Variants in IGF1R observed in about 807,000 individuals in gnomAD.
The protein encoded by IGF1R is insulin like growth factor 1 receptor.
IGF1R carries 44 observed loss-of-function variants against 144.6 expected under a neutral mutation model. That is an observed-to-expected ratio of 0.30 (90% CI 0.24 to 0.39). The LOEUF is 0.39. Among genes scored for constraint, IGF1R ranks in the 10% least tolerant of loss-of-function variants. IGF1R has a pLI of 1.00. For synonymous variants in IGF1R, 795 were observed against 722.8 expected (o/e 1.10, Z -1.60); for missense variants, 1,355 against 1,833.7 (o/e 0.74, Z 4.77).
At chr15:98,837,130 G>T (rs1021936074) in intron 2 of IGF1R, among the ~76,000 whole-genome samples, 1 of 151,932 alleles carries the variant, frequency 6.6e-6, no homozygotes, top group Non-Finnish European at 1.5e-5. Flanking sequence ...TTGCTCTGTT[G>T]CCCAGGCAGG....
intron 1 of IGF1R, among the ~76,000 whole-genome samples, chr15:98,668,675 A>G (rs907418113): frequency 6.6e-6 from 1 of 152,214 alleles, no homozygotes; most frequent in African/African-American, 2.4e-5. Context: ...GTTATACTCC[A>G]GGAGAGCTTA....
chr15:98,940,414 T>A (rs909828160), intron 18 of IGF1R, among the ~76,000 whole-genome samples: 1 of 152,326 alleles, frequency 6.6e-6, no homozygotes, highest in South Asian at 2.1e-4. Context: ...GAACGGTTTC[T>A]TTTTTTGAGA....
chr15:98,917,581 A>G (rs2015309068), intron 10 of IGF1R, among the ~76,000 whole-genome samples: 1 of 152,238 alleles, frequency 6.6e-6, no homozygotes, highest in Non-Finnish European at 1.5e-5. Context: ...CTGGAAACCC[A>G]GTGTACATCA....
chr15:98,788,671 C>T (rs1351379597), intron 2 of IGF1R, among the ~76,000 whole-genome samples: 9 of 152,184 alleles, frequency 5.9e-5, no homozygotes, highest in East Asian at 3.9e-4. Context: ...AGGATGCGCC[C>T]GCCCTGCTGA....
chr15:98,910,962 A>G (rs1200891894), intron 6 of IGF1R, among the ~76,000 whole-genome samples: 1 of 152,208 alleles, frequency 6.6e-6, no homozygotes, highest in Non-Finnish European at 1.5e-5. Flanking sequence ...CCTTCACCCT[A>G]CCAGGCCCCC....
chr15:98,749,521 TTTAA>T (rs2054953031), intron 2 of IGF1R, among the ~76,000 whole-genome samples: 1 of 152,238 alleles, frequency 6.6e-6, no homozygotes, highest in Non-Finnish European at 1.5e-5. Flanking sequence ...CCAGTTTGCC[TTTAA>T]TTTTCATTTT....
In IGF1R at chr15:98,961,880, G is replaced by A. The variant is rs144388769; in HGVS notation, c.*4438G>A. The A allele has an allele frequency of 3.8e-4, 89 of 233,308 alleles. 1 individual carries two copies. Among genetic ancestry groups the A allele is most frequent in the African/African-American group, 5.5e-4 (25 of 45,468 alleles). The allele number at this position is 233,308 out of a possible 1,614,324, so 14.5% of individuals were successfully genotyped here. A position where few individuals can be genotyped will look rare whatever the true frequency, so the allele number is the denominator to read the frequency against. On this transcript the variant is annotated 3_prime_UTR_variant, in exon 21 of 21. Transcript: ENST00000650285. ...TCTCCTGGCCTGTTTCTTAAGATGC[G>A]GAGTCACATTTCAATGGTACGAAAA...
intron 2 of IGF1R, among the ~76,000 whole-genome samples, chr15:98,784,915 G>T (rs533291103): frequency 6.6e-6 from 1 of 152,230 alleles, no homozygotes; most frequent in South Asian, 2.1e-4. Flanking sequence ...TGGGAGTCCT[G>T]GAACCAATCC....
At chr15:98,868,359 G>GTT (rs755693206) in intron 2 of IGF1R, among the ~76,000 whole-genome samples, 1,231 of 78,088 alleles carry the variant, frequency 0.016, 10 homozygotes, top group Middle Eastern at 0.026. Flanking sequence ...AATCTGTTGG[G>GTT]TTTTTTTTTT....
rs376842048 is a variant in IGF1R at position 98,943,009 on chromosome 15, G to C, written c.3544G>C (p.Glu1182Gln). 1.9e-6 allele frequency: 3 copies of C among 1,614,026 alleles called. No homozygotes were observed. Among genetic ancestry groups the C allele is most frequent in the Non-Finnish European group, 2.5e-6 (3 of 1,179,990 alleles). The change falls in exon 19 of 21, where the codon GAG becomes CAG. Residue 1182 changes from glutamate (E) to glutamine (Q), a missense_variant. Physicochemically the swap from Glu to Gln is conservative, Grantham distance 29 (BLOSUM62 2). This residue lies in a region of IGF1R where 77 missense variants were observed against 163.2 expected (regional missense o/e 0.47). Coordinates refer to ENST00000650285, the MANE Select transcript of IGF1R (RefSeq NM_000875.5). ...GCTGCCCGTGCGCTGGATGTCTCCT[G>C]AGTCCCTCAAGGATGGAGTCTTCAC... ...GLLPVRWMSP[E>Q]SLKDGVFTTY...
intron 1 of IGF1R, among the ~76,000 whole-genome samples, chr15:98,684,011 C>T (rs2053258249): frequency 1.3e-5 from 2 of 152,194 alleles, no homozygotes; most frequent in Admixed American, 1.3e-4. Flanking sequence ...TCTTCTCCAG[C>T]TGGGCCTCTG....
intron 2 of IGF1R, among the ~76,000 whole-genome samples, chr15:98,881,108 C>T (rs936285350): frequency 5.9e-5 from 9 of 152,126 alleles, no homozygotes; most frequent in African/African-American, 1.9e-4. Flanking sequence ...TTAGTGGGTA[C>T]GTGTTATCTC....
At position 98,850,550 on chromosome 15, in the gene IGF1R, G is replaced by T. The variant is rs1016429617; in HGVS notation, c.641-40775G>T. ...GAGGTTGCAACGAGGCCTCTCTGAG[G>T]TGCTCTGGGAGCACAGAGGAGTCAG... On this transcript the variant is annotated intron_variant, in intron 2 of 20. Coordinates refer to ENST00000650285, the MANE Select transcript of IGF1R (RefSeq NM_000875.5). 2.0e-5 allele frequency among the ~76,000 whole-genome samples: 3 copies of T among 152,256 alleles called. No homozygotes were observed. In the East Asian group the frequency reaches 5.8e-4, roughly 29 times the overall value.
chr15:98,710,668 CTTTT>C (rs34054503), intron 2 of IGF1R, among the ~76,000 whole-genome samples: 4 of 140,124 alleles, frequency 2.9e-5, no homozygotes, highest in Non-Finnish European at 3.1e-5. Context: ...CCTTTTTATT[CTTTT>C]TTTTTTTTTT....
chr15:98,779,534 AG>A (rs1470226871), intron 2 of IGF1R, among the ~76,000 whole-genome samples: 1 of 152,240 alleles, frequency 6.6e-6, no homozygotes, highest in East Asian at 1.9e-4. Flanking sequence ...CAAGTTGCTC[AG>A]GTTACACCGT....
chr15:98,847,875 G>A (rs2011393794), intron 2 of IGF1R, among the ~76,000 whole-genome samples: 1 of 152,224 alleles, frequency 6.6e-6, no homozygotes, highest in South Asian at 2.1e-4. Context: ...AAGATGATGG[G>A]TGTGGGGAGC....
chr15:98,850,639 G>A (rs2011493768), intron 2 of IGF1R, among the ~76,000 whole-genome samples: 1 of 152,220 alleles, frequency 6.6e-6, no homozygotes. Flanking sequence ...AATTTGCCAA[G>A]AAGAGAAGTC....
chr15:98,952,909 A>G lies in IGF1R; in HGVS notation c.3723-4152A>G, dbSNP rs531354864. On this transcript the variant is annotated intron_variant, in intron 20 of 20. Coordinates refer to ENST00000650285, the MANE Select transcript of IGF1R (RefSeq NM_000875.5). ...AAATTTTTCTCCCTTCCAAGAAAAGAGTAGAATGAAAGGAGGCAACTTGGT... is the reference window on the plus strand; with the variant it reads ...AAATTTTTCTCCCTTCCAAGAAAAGGGTAGAATGAAAGGAGGCAACTTGGT... The G allele has an allele frequency of 1.6e-4, 25 of 152,294 alleles. 1 individual carries two copies. The highest frequency in any genetic ancestry group is 5.3e-4 in the African/African-American group (22 of 41,548). The allele number at this position is 152,294 out of a possible 1,614,324, so 9.4% of individuals were successfully genotyped here. A position where few individuals can be genotyped will look rare whatever the true frequency, so the allele number is the denominator to read the frequency against.
chr15:98,671,721 T>G (rs1182782874), intron 1 of IGF1R, among the ~76,000 whole-genome samples: 2 of 152,242 alleles, frequency 1.3e-5, no homozygotes, highest in Non-Finnish European at 2.9e-5. Flanking sequence ...GATTCATAGC[T>G]TCCAGGATTT....
Sources: gnomAD v4.1 joint callset for allele counts (sites outside exome capture counted in the v4.1 genomes callset) on GRCh38, gnomAD v4.1.1 for gene constraint, gnomAD v4.1.1 regional missense constraint, MANE v1.5 for transcripts, NCBI Gene and HGNC (gene_info 2026-07-23, HGNC 2026-07-21) for gene names.